Variants in EXOC4 observed in about 807,000 individuals in gnomAD.
EXOC4 encodes exocyst complex component 4, also known as SEC8-like 1.
EXOC4 carries 71 observed loss-of-function variants against 107.2 expected under a neutral mutation model. That is an observed-to-expected ratio of 0.66 (90% CI 0.55 to 0.81). The LOEUF (loss-of-function observed/expected upper bound fraction) is 0.81, where lower values mean the gene tolerates loss of function less well. Ranked by LOEUF, EXOC4 falls within the 30% of genes least tolerant of loss-of-function variation. The pLI is 0.00. For missense variants in EXOC4, 1,108 were observed against 1,189.6 expected (o/e 0.93, Z 1.01); for synonymous variants, 456 against 441.2 (o/e 1.03, Z -0.42).
intron 2 of EXOC4, among the ~76,000 whole-genome samples, chr7:133,283,911 C>T (rs1794216524): frequency 6.6e-6 from 1 of 152,056 alleles, no homozygotes; most frequent in Admixed American, 6.6e-5. Context: ...TTGTTTCTTC[C>T]TTTTTGTGGC....
chr7:134,024,597 C>T (rs940706490), intron 17 of EXOC4, among the ~76,000 whole-genome samples: 2 of 152,138 alleles, frequency 1.3e-5, no homozygotes, highest in African/African-American at 4.8e-5. Flanking sequence ...GACACTTGTC[C>T]ATTTTTGGCT....
At chr7:133,818,341 T>C (rs969947321) in intron 11 of EXOC4, among the ~76,000 whole-genome samples, 1 of 152,196 alleles carries the variant, frequency 6.6e-6, no homozygotes, top group Non-Finnish European at 1.5e-5. Flanking sequence ...TATGAGACTA[T>C]TCAACATGTG....
intron 9 of EXOC4, among the ~76,000 whole-genome samples, chr7:133,500,376 A>G (rs543895973): frequency 1.4e-4 from 22 of 152,344 alleles, no homozygotes; most frequent in Non-Finnish European, 2.8e-4. Flanking sequence ...ATAATTTGAT[A>G]TAACTGGAAT....
intron 7 of EXOC4, among the ~76,000 whole-genome samples, chr7:133,466,303 GACCA>G (rs1798726677): frequency 6.6e-6 from 1 of 151,978 alleles, no homozygotes. Context: ...TCTTTAAGTA[GACCA>G]ACCAATTAAA....
intron 13 of EXOC4, among the ~76,000 whole-genome samples, chr7:133,920,916 C>T (rs1367166129): frequency 6.6e-6 from 1 of 152,130 alleles, no homozygotes; most frequent in African/African-American, 2.4e-5. Context: ...AGGATAATTT[C>T]ACTAGGTACA....
At chr7:134,060,179 T>A (rs778939206) in intron 17 of EXOC4, among the ~76,000 whole-genome samples, 2 of 152,202 alleles carry the variant, frequency 1.3e-5, no homozygotes, top group Non-Finnish European at 2.9e-5. Context: ...TCCTCTTCTC[T>A]GTCACTCTAC....
chr7:133,919,877 G>A (rs143675724), intron 13 of EXOC4, among the ~76,000 whole-genome samples: 6 of 152,284 alleles, frequency 3.9e-5, no homozygotes, highest in African/African-American at 1.4e-4. Flanking sequence ...GTGGATGCAG[G>A]TTTTTAACTC....
chr7:133,419,108 C>G (rs961250082), intron 7 of EXOC4, among the ~76,000 whole-genome samples: 3 of 152,058 alleles, frequency 2.0e-5, no homozygotes, highest in African/African-American at 7.2e-5. Flanking sequence ...TTTCAAGAGG[C>G]TGGGTGTGTA....
intron 17 of EXOC4, among the ~76,000 whole-genome samples, chr7:134,053,955 A>AT (rs1795862820): frequency 6.6e-6 from 1 of 151,812 alleles, no homozygotes; most frequent in Non-Finnish European, 1.5e-5. Context: ...TTTTTTAATT[A>AT]TTTTTTCTAA....
intron 9 of EXOC4, among the ~76,000 whole-genome samples, chr7:133,486,770 T>TAGG (rs1313512539): frequency 1.3e-5 from 2 of 152,188 alleles, no homozygotes; most frequent in African/African-American, 2.4e-5. Flanking sequence ...TTCTTGCTTT[T>TAGG]TTTTAAAAGA....
chr7:133,483,113 A>G (rs1278320620), intron 9 of EXOC4, among the ~76,000 whole-genome samples: 1 of 152,188 alleles, frequency 6.6e-6, no homozygotes, highest in Non-Finnish European at 1.5e-5. Flanking sequence ...CAAGAGCAAA[A>G]TACTATTTTA....
intron 7 of EXOC4, among the ~76,000 whole-genome samples, chr7:133,405,456 TATTG>T (rs1375148937): frequency 3.9e-5 from 6 of 152,188 alleles, no homozygotes; most frequent in African/African-American, 1.4e-4. Context: ...TATCAAAAAA[TATTG>T]ATATAATTTT....
intron 9 of EXOC4, among the ~76,000 whole-genome samples, chr7:133,546,342 G>C (rs1023102075): frequency 6.9e-6 from 1 of 144,888 alleles, no homozygotes; most frequent in Non-Finnish European, 1.5e-5. Flanking sequence ...TGCAGCCTCT[G>C]CCTCCTGGGT....
chr7:133,736,766 A>G (rs1158456079), intron 10 of EXOC4, among the ~76,000 whole-genome samples: 1 of 152,056 alleles, frequency 6.6e-6, no homozygotes, highest in Non-Finnish European at 1.5e-5. Context: ...GTTCTAATCT[A>G]TGTAGTCTAG....
intron 10 of EXOC4, among the ~76,000 whole-genome samples, chr7:133,690,249 C>G (rs555002229): frequency 1.4e-4 from 21 of 152,294 alleles, no homozygotes; most frequent in African/African-American, 4.8e-4. Context: ...ATTTAACAGT[C>G]TTTGTCAGAA....
chr7:133,509,210 T>A (rs1799720974), intron 9 of EXOC4, among the ~76,000 whole-genome samples: 1 of 151,986 alleles, frequency 6.6e-6, no homozygotes, highest in African/African-American at 2.4e-5. Flanking sequence ...GGGAGGATCA[T>A]GAGGTCAGGA....
At chr7:133,543,333 G>C (rs75653001) in intron 9 of EXOC4, among the ~76,000 whole-genome samples, 20,194 of 151,940 alleles carry the variant, frequency 0.13, 1,483 homozygotes, top group East Asian at 0.24. Flanking sequence ...AATTAATTCT[G>C]TTTATTCCAC....
chr7:133,403,063 G>A (rs1046868441), intron 7 of EXOC4, among the ~76,000 whole-genome samples: 2 of 150,556 alleles, frequency 1.3e-5, no homozygotes, highest in Non-Finnish European at 3.0e-5. Flanking sequence ...TTTTTTATTT[G>A]TACTAGAGAC....
At chr7:133,738,696 A>G (rs1585113707) in intron 10 of EXOC4, among the ~76,000 whole-genome samples, 1 of 152,330 alleles carries the variant, frequency 6.6e-6, no homozygotes, top group East Asian at 1.9e-4. Context: ...AGTAGTAATT[A>G]TTAGAAATTA....
Sources: gnomAD v4.1 joint callset for allele counts (sites outside exome capture counted in the v4.1 genomes callset) on GRCh38, gnomAD v4.1.1 for gene constraint, MANE v1.5 for transcripts, NCBI Gene and HGNC (gene_info 2026-07-23, HGNC 2026-07-21) for gene names.